Variants in CNBD1 observed in about 807,000 individuals in gnomAD.
CNBD1 encodes cyclic nucleotide-binding domain-containing protein 1.
Under a neutral mutation model 54.4 loss-of-function variants are expected in CNBD1, and 71 were observed. The observed-to-expected ratio is 1.30, with a 90% CI of 1.08 to 1.59. The LOEUF is 1.59. CNBD1 is among the 40% of genes most tolerant of loss of function. The probability of loss-of-function intolerance (pLI) is 0.00; values close to 1 mark genes in which losing one functional copy is unlikely to be tolerated. For missense variants in CNBD1, 659 were observed against 518.0 expected (o/e 1.27, Z -2.64); for synonymous variants, 182 against 170.7 (o/e 1.07, Z -0.51).
chr8:87,185,651 G>T (rs553398229), intron 4 of CNBD1, among the ~76,000 whole-genome samples: 1 of 152,252 alleles, frequency 6.6e-6, no homozygotes, highest in African/African-American at 2.4e-5. Flanking sequence ...ACTATTCCCA[G>T]GTCTGTGTGA....
At chr8:87,041,851 G>C (rs1810078165) in intron 4 of CNBD1, among the ~76,000 whole-genome samples, 2 of 152,158 alleles carry the variant, frequency 1.3e-5, no homozygotes, top group South Asian at 2.1e-4. Flanking sequence ...GGAATGCTCT[G>C]ACCTAAGTAT....
chr8:86,968,694 T>C (rs1392284884), intron 4 of CNBD1, among the ~76,000 whole-genome samples: 1 of 152,196 alleles, frequency 6.6e-6, no homozygotes, highest in East Asian at 1.9e-4. Context: ...CTTTTGAGTC[T>C]TTGATCAGCC....
intron 4 of CNBD1, among the ~76,000 whole-genome samples, chr8:86,955,365 G>A (rs1479127447): frequency 6.6e-6 from 1 of 152,240 alleles, no homozygotes; most frequent in Admixed American, 6.5e-5. Flanking sequence ...GGATGCCTGG[G>A]TCAAATGGTA....
intron 10 of CNBD1, among the ~76,000 whole-genome samples, chr8:87,376,956 C>T (rs2130954692): frequency 6.7e-6 from 1 of 150,122 alleles, no homozygotes; most frequent in East Asian, 2.0e-4. Context: ...CATCTTGGAA[C>T]CCAAATATTC....
chr8:86,945,518 A>C (rs1437727832), intron 4 of CNBD1, among the ~76,000 whole-genome samples: 1 of 152,176 alleles, frequency 6.6e-6, no homozygotes, highest in East Asian at 1.9e-4. Flanking sequence ...TTGCAGTCTC[A>C]AACTATATTT....
At chr8:87,140,279 TAAC>T (rs2130737554) in intron 4 of CNBD1, among the ~76,000 whole-genome samples, 1 of 152,240 alleles carries the variant, frequency 6.6e-6, no homozygotes, top group East Asian at 1.9e-4. Context: ...CTTACTGAAA[TAAC>T]AAATAATGTG....
chr8:87,220,534 CTTTAA>C (rs1814309698), intron 5 of CNBD1, among the ~76,000 whole-genome samples: 1 of 145,182 alleles, frequency 6.9e-6, no homozygotes, highest in African/African-American at 2.6e-5. Context: ...TTGATGAGAG[CTTTAA>C]TTCATTGCTG....
intron 4 of CNBD1, among the ~76,000 whole-genome samples, chr8:86,966,792 A>G (rs1031677037): frequency 6.6e-6 from 1 of 152,194 alleles, no homozygotes; most frequent in Non-Finnish European, 1.5e-5. Context: ...AGCAGCAGCA[A>G]GAGTTTTTGA....
At chr8:87,147,975 C>T (rs533118069) in intron 4 of CNBD1, among the ~76,000 whole-genome samples, 2 of 151,854 alleles carry the variant, frequency 1.3e-5, no homozygotes, top group South Asian at 2.1e-4. Flanking sequence ...GAAAAGGGTC[C>T]GTTTAAAATT....
At chr8:86,950,817 A>C (rs1215981488) in intron 4 of CNBD1, among the ~76,000 whole-genome samples, 1 of 151,872 alleles carries the variant, frequency 6.6e-6, no homozygotes, top group African/African-American at 2.4e-5. Context: ...TGATCTTTTT[A>C]CTTATTATTG....
chr8:87,385,398 A>T (rs1319503741), downstream of CNBD1, among the ~76,000 whole-genome samples: 1 of 152,106 alleles, frequency 6.6e-6, no homozygotes, highest in Non-Finnish European at 1.5e-5. Context: ...TGGCACCTGG[A>T]AAATCGGGTC....
intron 4 of CNBD1, among the ~76,000 whole-genome samples, chr8:86,997,798 C>T (rs555165850): frequency 6.6e-6 from 1 of 151,878 alleles, no homozygotes; most frequent in Non-Finnish European, 1.5e-5. Context: ...TCCTTCAGAC[C>T]CAGCGGGTGG....
intron 8 of CNBD1, among the ~76,000 whole-genome samples, chr8:87,325,053 G>A (rs533565689): frequency 8.1e-5 from 8 of 98,860 alleles, no homozygotes; most frequent in East Asian, 4.3e-4. Flanking sequence ...CCTTCATTTC[G>A]TTATGTACCC....
At chr8:87,164,191 G>A (rs970166298) in intron 4 of CNBD1, among the ~76,000 whole-genome samples, 1 of 151,740 alleles carries the variant, frequency 6.6e-6, no homozygotes, top group African/African-American at 2.4e-5. Flanking sequence ...ATTGAATATG[G>A]TTTGCTGATA....
intron 2 of CNBD1, among the ~76,000 whole-genome samples, chr8:87,399,310 G>C (rs1021443458): frequency 2.6e-5 from 4 of 151,938 alleles, no homozygotes; most frequent in African/African-American, 9.7e-5. Context: ...GGTTAGCCTT[G>C]GACACTGTGC....
chr8:87,191,876 A>G (rs1813617021), intron 4 of CNBD1, among the ~76,000 whole-genome samples: 1 of 152,194 alleles, frequency 6.6e-6, no homozygotes, highest in Non-Finnish European at 1.5e-5. Flanking sequence ...GAGAATCAAA[A>G]TCTGTGGAAA....
intron 6 of CNBD1, among the ~76,000 whole-genome samples, chr8:87,270,715 T>A (rs888215036): frequency 1.3e-4 from 20 of 151,882 alleles, no homozygotes; most frequent in Admixed American, 1.1e-3. Flanking sequence ...TTATTTATTT[T>A]TTTGGCTGTG....
intron 2 of CNBD1, among the ~76,000 whole-genome samples, chr8:87,424,069 T>C (rs1036210416): frequency 6.6e-6 from 1 of 152,226 alleles, no homozygotes; most frequent in African/African-American, 2.4e-5. Flanking sequence ...TGTGTAGAAG[T>C]GTTTGTAGTA....
intron 4 of CNBD1, among the ~76,000 whole-genome samples, chr8:86,964,425 C>G (rs1563839698): frequency 6.6e-6 from 1 of 152,240 alleles, no homozygotes; most frequent in Non-Finnish European, 1.5e-5. Context: ...TAAAAATTCT[C>G]TGCCACTTGC....
Sources: allele counts gnomAD v4.1 joint callset (sites outside exome capture counted in the v4.1 genomes callset), GRCh38; gene constraint gnomAD v4.1.1; transcripts MANE v1.5; gene names NCBI Gene and HGNC (gene_info 2026-07-23, HGNC 2026-07-21).